Variants in AFAP1L2 observed in about 807,000 individuals in gnomAD.
AFAP1L2 encodes the protein actin filament-associated protein 1-like 2.
Under a neutral mutation model 99.3 loss-of-function variants are expected in AFAP1L2, and 46 were observed. The ratio of observed to expected loss-of-function variants is 0.46; its 90% confidence interval spans 0.37 to 0.59. The LOEUF is 0.59. AFAP1L2 is among the 20% of genes least tolerant of loss of function. The pLI is 0.00. For synonymous variants in AFAP1L2, 397 were observed against 419.1 expected (o/e 0.95, Z 0.64); for missense variants, 959 against 1,034.9 (o/e 0.93, Z 1.01).
chr10:114,326,490 A>G lies in AFAP1L2; in HGVS notation c.316-3229T>C, dbSNP rs527292051. ...TGAAAACCCACTTGTAACTGCTGCCAATAGGAACATGGATTCAGGGTAACT... is the reference window on the plus strand; with the variant it reads ...TGAAAACCCACTTGTAACTGCTGCCGATAGGAACATGGATTCAGGGTAACT... On this transcript the variant is annotated intron_variant, in intron 4 of 18. Coordinates refer to ENST00000304129, the MANE Select transcript of AFAP1L2 (RefSeq NM_001001936.3). Among the ~76,000 whole-genome samples, 115 of 152,352 alleles carry G rather than the reference A, an allele frequency of 7.5e-4. 1 individual carries two copies. Among genetic ancestry groups the G allele is most frequent in the African/African-American group, 2.7e-3 (111 of 41,582 alleles).
intron 1 of AFAP1L2, among the ~76,000 whole-genome samples, chr10:114,349,039 A>G (rs1379831881): frequency 6.6e-6 from 1 of 152,066 alleles, no homozygotes; most frequent in Non-Finnish European, 1.5e-5. Context: ...TTCAAAATAC[A>G]TTTTCTCCTA....
intron 1 of AFAP1L2, among the ~76,000 whole-genome samples, chr10:114,356,340 T>C (rs1188108889): frequency 1.3e-5 from 2 of 152,202 alleles, no homozygotes; most frequent in African/African-American, 2.4e-5. Context: ...CCAAATTAGT[T>C]TGTGCCTGCT....
At chr10:114,330,929 G>C (rs1051090810) in intron 4 of AFAP1L2, among the ~76,000 whole-genome samples, 2 of 152,204 alleles carry the variant, frequency 1.3e-5, no homozygotes, top group Non-Finnish European at 2.9e-5. Context: ...GTGCAGATGG[G>C]GGAGGGATGC....
intron 1 of AFAP1L2, among the ~76,000 whole-genome samples, chr10:114,345,094 C>T (rs1273716031): frequency 7.0e-6 from 1 of 142,284 alleles, no homozygotes; most frequent in Admixed American, 7.0e-5. Context: ...AAGACTCCAT[C>T]TCAAAAAAAA....
intron 6 of AFAP1L2, among the ~76,000 whole-genome samples, chr10:114,314,715 A>T (rs1241467305): frequency 6.6e-6 from 1 of 152,238 alleles, no homozygotes; most frequent in African/African-American, 2.4e-5. Flanking sequence ...GGGAATTTTA[A>T]TTTAAAATAG....
At chr10:114,328,694 T>A (rs1201294898) in intron 4 of AFAP1L2, among the ~76,000 whole-genome samples, 11 of 152,196 alleles carry the variant, frequency 7.2e-5, no homozygotes. Context: ...GTTCTCCTCC[T>A]CCTTCAGAGC....
chr10:114,373,650 A>C (rs755906912), intron 1 of AFAP1L2, among the ~76,000 whole-genome samples: 64 of 151,824 alleles, frequency 4.2e-4, no homozygotes, highest in Middle Eastern at 3.4e-3. Flanking sequence ...CGACAAAAAA[A>C]AACAACAACA....
intron 15 of AFAP1L2, 99 bp from the exon 16 acceptor site, chr10:114,299,514 CA>C: frequency 1.4e-6 from 2 of 1,451,890 alleles, no homozygotes; most frequent in Non-Finnish European, 1.9e-6. Flanking sequence ...GGGGCTTTGG[CA>C]CAAAGCCCTG....
the AFAP1L2 span, chr10:114,285,804 G>T: frequency 2.1e-6 from 2 of 934,892 alleles, no homozygotes; most frequent in South Asian, 1.8e-5. Flanking sequence ...TGACGAGCAC[G>T]GGTCACTTAA....
intron 1 of AFAP1L2, among the ~76,000 whole-genome samples, chr10:114,382,588 C>CTTT (rs1554956154): frequency 9.6e-5 from 9 of 93,284 alleles, no homozygotes; most frequent in African/African-American, 1.6e-4. Context: ...TATTTCTTCT[C>CTTT]TTTTTTTTTT....
intron 1 of AFAP1L2, among the ~76,000 whole-genome samples, chr10:114,373,643 C>CA (rs201870671): frequency 8.7e-4 from 129 of 148,752 alleles, no homozygotes; most frequent in African/African-American, 1.7e-3. Context: ...CCACCAACGA[C>CA]AAAAAAAAAC....
Position 114,346,589 on chromosome 10 carries a change from C to A in AFAP1L2, c.17-5858G>T, listed in dbSNP as rs2049615622. ...CCCTTAGAGGAATGTGGCTATTGCC[C>A]TGAGGCCCTGGAACTCGCTCACCAC... On this transcript the variant is annotated intron_variant, in intron 1 of 18. Transcript: ENST00000304129. Among the ~76,000 whole-genome samples, 3 of 152,194 alleles carry A rather than the reference C, an allele frequency of 2.0e-5. No homozygotes were observed. In the South Asian group the frequency reaches 6.2e-4, roughly 32 times the overall value.
At chr10:114,353,252 C>A (rs74157589) in intron 1 of AFAP1L2, among the ~76,000 whole-genome samples, 2,284 of 152,276 alleles carry the variant, frequency 0.015, 40 homozygotes, top group African/African-American at 0.049. Flanking sequence ...AAACAGTCCG[C>A]CTGAGGAGGG....
chr10:114,376,216 T>C (rs2054778896), intron 1 of AFAP1L2, among the ~76,000 whole-genome samples: 1 of 152,250 alleles, frequency 6.6e-6, no homozygotes, highest in South Asian at 2.1e-4. Context: ...GTTTATTCAT[T>C]GCTGCATAAA....
intron 4 of AFAP1L2, among the ~76,000 whole-genome samples, chr10:114,325,708 G>A (rs7090864): frequency 0.019 from 2,838 of 152,314 alleles, 94 homozygotes; most frequent in African/African-American, 0.065. Context: ...AACTTCTAGT[G>A]TATGGTCCTC....
the AFAP1L2 span, chr10:114,289,107 G>T: frequency 6.2e-7 from 1 of 1,614,146 alleles, no homozygotes; most frequent in Non-Finnish European, 8.5e-7. Flanking sequence ...GCCAGGTGCA[G>T]ACTGCCTTCG....
At chr10:114,391,146 A>C (rs546740616) in intron 1 of AFAP1L2, among the ~76,000 whole-genome samples, 99 of 152,260 alleles carry the variant, frequency 6.5e-4, no homozygotes, top group African/African-American at 2.4e-3. Flanking sequence ...AGAGCCCTTA[A>C]CTTTGATGTA....
intron 11 of AFAP1L2, 91 bp downstream of exon 11, chr10:114,304,628 C>A: frequency 8.2e-7 from 1 of 1,223,914 alleles, no homozygotes; most frequent in South Asian, 1.5e-5. Flanking sequence ...TTGATTCTCC[C>A]TTAGTAGCAT....
chr10:114,398,176 A>T (rs1007378909), intron 1 of AFAP1L2, among the ~76,000 whole-genome samples: 15 of 152,222 alleles, frequency 9.9e-5, no homozygotes, highest in Non-Finnish European at 1.5e-5. Context: ...GAGTCGAGTG[A>T]TAGAAAATTA....
Sources: allele counts gnomAD v4.1 joint callset (sites outside exome capture counted in the v4.1 genomes callset), GRCh38; gene constraint gnomAD v4.1.1; transcripts MANE v1.5; gene names NCBI Gene and HGNC (gene_info 2026-07-23, HGNC 2026-07-21).